MN1: variants seen among roughly 807,000 people sequenced by gnomAD.
MN1 encodes the protein transcriptional activator MN1.
A neutral mutation model predicts 86.9 loss-of-function variants in MN1; 19 were observed. The observed-to-expected ratio is 0.22, with a 90% CI of 0.15 to 0.32. The LOEUF is 0.32. MN1 is among the 10% of genes least tolerant of loss of function. The pLI is 1.00. For missense variants in MN1, 1,841 were observed against 1,862.0 expected (o/e 0.99, Z 0.21); for synonymous variants, 928 against 849.6 (o/e 1.09, Z -1.60).
Position 27,781,707 on chromosome 22 carries a change from G to A in MN1, c.3781+15056C>T, listed in dbSNP as rs184837614. Among the ~76,000 whole-genome samples, 446 of 152,282 alleles carry A rather than the reference G, an allele frequency of 2.9e-3. 3 individuals carry two copies. The highest frequency in any genetic ancestry group is 0.01 in the African/African-American group (419 of 41,534). ...TCCCAAGAATTATACCTATGTAACA[G>A]GTGAGGAAACTGAGGCTCAGAGAGG... On this transcript the variant is annotated intron_variant, in intron 1 of 1. Coordinates refer to ENST00000302326, the MANE Select transcript of MN1 (RefSeq NM_002430.3).
chr22:27,787,938 C>T lies in MN1; in HGVS notation c.3781+8825G>A, dbSNP rs867857878. On this transcript the variant is annotated intron_variant, in intron 1 of 1. Transcript: ENST00000302326. The stretch of plus-strand genomic sequence containing the variant: ...TCATCCAGTCTCAGGCTGGGTCCTC[C>T]GGATCTACCTCCCCCATGCATGTGC... Among the ~76,000 whole-genome samples the T allele has an allele frequency of 8.5e-5, 13 of 152,268 alleles. No homozygotes were observed. In the South Asian group the frequency reaches 1.2e-3, roughly 15 times the overall value.
In MN1 at chr22:27,750,948, G is replaced by A. The variant is rs745669676; in HGVS notation, c.3930C>T (p.Asn1310=). The A allele has an allele frequency of 1.9e-5, 31 of 1,610,452 alleles. No individual in the cohort carries two copies. Among genetic ancestry groups the A allele is most frequent in the Non-Finnish European group, 2.4e-5 (28 of 1,178,118 alleles). Residue 1310 remains asparagine, a synonymous_variant, in exon 2 of 2, where the codon AAC becomes AAT. Transcript: ENST00000302326. ...TWRSLHSDIS[N]RFGTFVAALT is the part of the protein sequence containing the mutation. Reference sequence around the variant, plus strand: ...GGGCAGCCACGAATGTCCCAAATCTGTTGGAGATGTCAGAATGCAGGGACC... The same window carrying A: ...GGGCAGCCACGAATGTCCCAAATCTATTGGAGATGTCAGAATGCAGGGACC...
At chr22:27,762,418 G>A (rs1449969128) in intron 1 of MN1, among the ~76,000 whole-genome samples, 1 of 152,182 alleles carries the variant, frequency 6.6e-6, no homozygotes, top group Non-Finnish European at 1.5e-5. Context: ...GCCAGGGGCT[G>A]ACTTCACCCC....
intron 1 of MN1, among the ~76,000 whole-genome samples, chr22:27,751,821 G>A (rs1026737570): frequency 3.9e-5 from 6 of 152,188 alleles, no homozygotes; most frequent in South Asian, 4.1e-4. Context: ...AAGACTAGAC[G>A]CCCACAGCTC....
intron 1 of MN1, among the ~76,000 whole-genome samples, chr22:27,759,288 C>T (rs1258235041): frequency 3.9e-5 from 6 of 152,174 alleles, no homozygotes; most frequent in Non-Finnish European, 1.5e-5. Context: ...CCTGTGCACA[C>T]TTGATCCCTG....
At chr22:27,752,697 C>CT (rs1233362821) in intron 1 of MN1, among the ~76,000 whole-genome samples, 3 of 152,206 alleles carry the variant, frequency 2.0e-5, no homozygotes, top group African/African-American at 7.2e-5. Flanking sequence ...TTCCTAGACT[C>CT]TGACTTTAGA....
chr22:27,774,802 G>A lies in MN1; in HGVS notation c.3781+21961C>T, dbSNP rs45513999. Among the ~76,000 whole-genome samples the A allele has an allele frequency of 1.1e-4, 16 of 152,238 alleles. No individual in the cohort carries two copies. The East Asian group carries it at 3.1e-3, about 29-fold the overall frequency. On this transcript the variant is annotated intron_variant, in intron 1 of 1. Coordinates refer to ENST00000302326, the MANE Select transcript of MN1 (RefSeq NM_002430.3). Reference sequence around the variant, plus strand: ...AGCAACAGTCGTGACAATTCCATAAGGGCCCTGTGTGCCAGGGGCAGCTCT... The same window carrying A: ...AGCAACAGTCGTGACAATTCCATAAAGGCCCTGTGTGCCAGGGGCAGCTCT...
intron 1 of MN1, among the ~76,000 whole-genome samples, chr22:27,762,089 C>T (rs983608309): frequency 1.3e-5 from 2 of 152,152 alleles, no homozygotes; most frequent in East Asian, 1.9e-4. Flanking sequence ...GATTGGGCTC[C>T]CTGTCCTGCC....
Position 27,799,192 on chromosome 22 carries a change from A to G in MN1, c.1352T>C (p.Met451Thr). 6.2e-7 allele frequency: 1 copy of G among 1,606,082 alleles called. No individual in the cohort carries two copies. The highest frequency in any genetic ancestry group is 8.5e-7 in the Non-Finnish European group (1 of 1,174,690). The change falls in exon 1 of 2, where the codon ATG becomes ACG. Residue 451 changes from methionine to threonine, a missense_variant. Physicochemically the swap from Met to Thr is moderately conservative, Grantham distance 81. Transcript: ENST00000302326. ...GAAGCGCGGCCTCTTGGCCACGTTC[A>G]TGTAGGGGGGCGCGTCGAAATGCTG... ...RLQHFDAPPY[M>T]NVAKRPRFDF...
At chr22:27,751,838 C>G (rs952447783) in intron 1 of MN1, among the ~76,000 whole-genome samples, 2 of 152,096 alleles carry the variant, frequency 1.3e-5, no homozygotes, top group Non-Finnish European at 2.9e-5. Flanking sequence ...GCTCCCCAAG[C>G]CCCATGTGCT....
intron 1 of MN1, among the ~76,000 whole-genome samples, chr22:27,761,032 C>T (rs1384666058): frequency 2.0e-5 from 3 of 152,144 alleles, no homozygotes; most frequent in South Asian, 2.1e-4. Flanking sequence ...GCCAGCCATC[C>T]GCAGAGCCAA....
chr22:27,775,986 G>A (rs1335167923), intron 1 of MN1, among the ~76,000 whole-genome samples: 2 of 152,184 alleles, frequency 1.3e-5, no homozygotes, highest in African/African-American at 4.8e-5. Context: ...AAACAAGTTG[G>A]GCAGAAGGGA....
chr22:27,792,351 T>TATATATATA (rs1350212376), intron 1 of MN1, among the ~76,000 whole-genome samples: 1 of 109,156 alleles, frequency 9.2e-6, no homozygotes, highest in Non-Finnish European at 2.1e-5. Context: ...TATATATATA[T>TATATATATA]GAATATATAA....
intron 1 of MN1, among the ~76,000 whole-genome samples, chr22:27,782,139 C>T (rs533102195): frequency 5.9e-5 from 9 of 152,276 alleles, no homozygotes; most frequent in African/African-American, 1.4e-4. Flanking sequence ...AATACCTTGG[C>T]GCTACCATCC....
rs1243983695 is a variant in MN1, at chr22:27,748,380, T to A, written c.*2535A>T. ...GAAGACTGCACTTTACATATTTTTT[T>A]AAAAAAGAAAGAAAAAAATAACACT... On this transcript the variant is annotated 3_prime_UTR_variant, in exon 2 of 2. Transcript: ENST00000302326. The A allele has an allele frequency of 1.1e-5, 2 of 180,996 alleles. No individual in the cohort carries two copies. Among genetic ancestry groups the A allele is most frequent in the East Asian group, 9.1e-5 (1 of 10,990 alleles). 11.2% of individuals were successfully genotyped at this position (180,996 alleles called of 1,614,324 possible). A position where few individuals can be genotyped will look rare whatever the true frequency, so the allele number is the denominator to read the frequency against.
chr22:27,767,531 T>C (rs1932878932), intron 1 of MN1, among the ~76,000 whole-genome samples: 2 of 152,056 alleles, frequency 1.3e-5, no homozygotes, highest in African/African-American at 4.8e-5. Context: ...AAGACAAAAA[T>C]GCAGGAGTCC....
At chr22:27,769,104 C>T (rs1192159296) in intron 1 of MN1, among the ~76,000 whole-genome samples, 1 of 152,176 alleles carries the variant, frequency 6.6e-6, no homozygotes, top group South Asian at 2.1e-4. Flanking sequence ...CTGAAAGGAG[C>T]TGGTCATCTT....
At chr22:27,783,953 G>C (rs1188319691) in intron 1 of MN1, among the ~76,000 whole-genome samples, 1 of 152,214 alleles carries the variant, frequency 6.6e-6, no homozygotes. Flanking sequence ...GACTTTCCAC[G>C]ATGATGCCGC....
Position 27,799,122 on chromosome 22 carries a change from G to C in MN1, c.1422C>G (p.Asn474Lys). Reference protein sequence around the residue: ...SAGVDRCASWNGSMHNGALDN... With the variant: ...SAGVDRCASWKGSMHNGALDN... ...CCAGAGCGCCGTTGTGCATGCTGCC[G>C]TTCCACGAAGCGCAGCGGTCCACTC... The change falls in exon 1 of 2, where the codon AAC (asparagine) becomes AAG (lysine). Residue 474 changes from asparagine (N) to lysine (K), a missense_variant. Transcript: ENST00000302326. The C allele has an allele frequency of 1.9e-6, 3 of 1,604,102 alleles. No homozygotes were observed. The highest frequency in any genetic ancestry group is 1.1e-5 in the South Asian group (1 of 90,670).
Sources: gnomAD v4.1 joint callset for allele counts (sites outside exome capture counted in the v4.1 genomes callset) on GRCh38, gnomAD v4.1.1 for gene constraint, MANE v1.5 for transcripts, NCBI Gene and HGNC (gene_info 2026-07-23, HGNC 2026-07-21) for gene names.